Variants in ENTREP2 observed in about 807,000 individuals in gnomAD.
ENTREP2 encodes protein ENTREP2.
the ENTREP2 span, among the ~76,000 whole-genome samples, chr15:29,620,885 T>C: frequency 3.9e-5 from 6 of 152,036 alleles, 2 homozygotes; most frequent in African/African-American, 1.5e-4. Flanking sequence ...TCAGTTCATT[T>C]ATTGGATGTT....
At chr15:29,653,397 T>C in the ENTREP2 span, among the ~76,000 whole-genome samples, 1 of 152,212 alleles carries the variant, frequency 6.6e-6, no homozygotes, top group South Asian at 2.1e-4. Flanking sequence ...GACAGTACAC[T>C]GATACAGTTT....
At chr15:29,177,589 G>A in the ENTREP2 span, among the ~76,000 whole-genome samples, 44 of 152,258 alleles carry the variant, frequency 2.9e-4, no homozygotes, top group South Asian at 8.7e-3. Flanking sequence ...AGATAGACGC[G>A]GGGTCTGCAC....
the ENTREP2 span, among the ~76,000 whole-genome samples, chr15:29,572,234 G>A: frequency 2.0e-5 from 3 of 152,210 alleles, no homozygotes; most frequent in African/African-American, 7.2e-5. Flanking sequence ...CAGATAGAGT[G>A]ACTGATCTCA....
chr15:29,329,255 C>T, the ENTREP2 span, among the ~76,000 whole-genome samples: 3 of 151,360 alleles, frequency 2.0e-5, no homozygotes, highest in East Asian at 3.9e-4. Context: ...CCCAGCTCCT[C>T]GGGAGGCTGA....
the ENTREP2 span, among the ~76,000 whole-genome samples, chr15:29,408,712 T>C: frequency 6.6e-6 from 1 of 152,188 alleles, no homozygotes; most frequent in Non-Finnish European, 1.5e-5. Flanking sequence ...TTCTGAGAGA[T>C]TTCCCCCAAT....
the ENTREP2 span, among the ~76,000 whole-genome samples, chr15:29,247,145 A>G: frequency 6.6e-6 from 1 of 152,206 alleles, no homozygotes; most frequent in Non-Finnish European, 1.5e-5. Context: ...CACAATCACC[A>G]CACAAACATA....
the ENTREP2 span, among the ~76,000 whole-genome samples, chr15:29,579,183 C>G: frequency 6.6e-6 from 1 of 152,184 alleles, no homozygotes; most frequent in Non-Finnish European, 1.5e-5. Flanking sequence ...GGGTCACCTT[C>G]AATCAGAACT....
chr15:29,656,564 A>C, the ENTREP2 span, among the ~76,000 whole-genome samples: 3 of 152,216 alleles, frequency 2.0e-5, no homozygotes, highest in Non-Finnish European at 4.4e-5. Flanking sequence ...GATAGCAGAC[A>C]GAAACTTGGG....
chr15:29,159,884 G>A, the ENTREP2 span, among the ~76,000 whole-genome samples: 12 of 152,264 alleles, frequency 7.9e-5, no homozygotes, highest in Admixed American at 1.3e-4. Context: ...GGTGGATCCC[G>A]CAGGTGGAGC....
At chr15:29,530,810 G>A in the ENTREP2 span, among the ~76,000 whole-genome samples, 1 of 152,188 alleles carries the variant, frequency 6.6e-6, no homozygotes, top group African/African-American at 2.4e-5. Flanking sequence ...ACTTCCATTT[G>A]GGGATATAGC....
chr15:29,565,722 G>A, the ENTREP2 span, among the ~76,000 whole-genome samples: 1 of 152,118 alleles, frequency 6.6e-6, no homozygotes, highest in Non-Finnish European at 1.5e-5. Context: ...TCAGCACTTT[G>A]GGAGGCTGAG....
chr15:29,495,475 T>C, the ENTREP2 span, among the ~76,000 whole-genome samples: 48 of 152,362 alleles, frequency 3.2e-4, no homozygotes, highest in Admixed American at 3.1e-3. Context: ...CTAAGATCCA[T>C]CTTATTGAGC....
chr15:29,132,633 C>T, the ENTREP2 span, among the ~76,000 whole-genome samples: 143,799 of 152,300 alleles, frequency 0.94, 68,447 homozygotes, highest in East Asian at 1. Context: ...AAGGGTGTCG[C>T]ATTGGTTTCA....
the ENTREP2 span, among the ~76,000 whole-genome samples, chr15:29,608,254 C>A: frequency 6.6e-6 from 1 of 152,144 alleles, no homozygotes; most frequent in African/African-American, 2.4e-5. Context: ...CTAATCATCA[C>A]AAAGGCCATG....
At chr15:29,282,952 G>A in the ENTREP2 span, among the ~76,000 whole-genome samples, 2 of 152,300 alleles carry the variant, frequency 1.3e-5, no homozygotes, top group African/African-American at 2.4e-5. Context: ...TGGTATGGGG[G>A]TGTGTCCAGA....
chr15:29,417,329 G>T, the ENTREP2 span, among the ~76,000 whole-genome samples: 1 of 152,168 alleles, frequency 6.6e-6, no homozygotes, highest in Non-Finnish European at 1.5e-5. Flanking sequence ...AAAATGATGA[G>T]TTCTTGTCCT....
chr15:29,355,088 C>A, the ENTREP2 span, among the ~76,000 whole-genome samples: 1 of 152,110 alleles, frequency 6.6e-6, no homozygotes, highest in Non-Finnish European at 1.5e-5. Context: ...TCACCAAAGG[C>A]CACCCCTGTC....
the ENTREP2 span, among the ~76,000 whole-genome samples, chr15:29,601,651 C>T: frequency 6.6e-6 from 1 of 152,206 alleles, no homozygotes; most frequent in Non-Finnish European, 1.5e-5. Context: ...ACTCCATTTA[C>T]ATCCCATTCA....
the ENTREP2 span, among the ~76,000 whole-genome samples, chr15:29,377,862 T>TAATAATAATAATAA: frequency 2.0e-5 from 2 of 100,978 alleles, no homozygotes; most frequent in Non-Finnish European, 4.9e-5. Flanking sequence ...ATAATAATAA[T>TAATAATAATAATAA]AAAAAAATGA....
Sources: allele counts gnomAD v4.1 joint callset (sites outside exome capture counted in the v4.1 genomes callset), GRCh38; gene constraint gnomAD v4.1.1; transcripts MANE v1.5; gene names NCBI Gene and HGNC (gene_info 2026-07-23, HGNC 2026-07-21).